COP1: variants seen among roughly 807,000 people sequenced by gnomAD.
COP1 encodes the protein COP1 E3 ubiquitin ligase.
A neutral mutation model predicts 101.3 loss-of-function variants in COP1; 24 were observed. The ratio of observed to expected loss-of-function variants is 0.24; its 90% CI spans 0.17 to 0.33. The LOEUF is 0.33. Among genes scored for constraint, COP1 ranks in the 10% least tolerant of loss-of-function variants. COP1 has a pLI of 1.00. For synonymous variants in COP1, 347 were observed against 341.9 expected (o/e 1.01, Z -0.17); for missense variants, 663 against 906.2 (o/e 0.73, Z 3.45).
At chr1:176,178,716 GGTGGCAGGCACCT>G (rs928642203) in intron 2 of COP1, among the ~76,000 whole-genome samples, 1 of 151,974 alleles carries the variant, frequency 6.6e-6, no homozygotes, top group Admixed American at 6.6e-5. Flanking sequence ...AGCTGGGCAT[GGTGGCAGGCACCT>G]GTAATTCCGG....
chr1:175,952,668 G>A (rs1021331764), intron 18 of COP1, among the ~76,000 whole-genome samples: 1 of 152,102 alleles, frequency 6.6e-6, no homozygotes, highest in African/African-American at 2.4e-5. Context: ...CAGCACTTTG[G>A]GAGGCTGAGG....
At chr1:176,055,390 G>T (rs1419431855) in intron 11 of COP1, among the ~76,000 whole-genome samples, 2 of 152,106 alleles carry the variant, frequency 1.3e-5, no homozygotes, top group South Asian at 4.1e-4. Context: ...AGCCGAGATC[G>T]CACCACTGAA....
chr1:176,189,548 G>A (rs555336061), intron 1 of COP1, among the ~76,000 whole-genome samples: 5 of 151,830 alleles, frequency 3.3e-5, no homozygotes, highest in Non-Finnish European at 5.9e-5. Flanking sequence ...ACAAATTTAA[G>A]AGAATTTGCT....
chr1:175,977,826 A>G lies in COP1; in HGVS notation c.2133+9117T>C, dbSNP rs534337903. ...ATTAAATCCATTTTATTCAATTTAG[A>G]AAATAATAATGTTTTTCCATTACAT... On this transcript the variant is annotated intron_variant, in intron 18 of 19. Coordinates refer to ENST00000367669, the MANE Select transcript of COP1 (RefSeq NM_022457.7). Among the ~76,000 whole-genome samples, 16 of 152,232 alleles carry G rather than the reference A, an allele frequency of 1.1e-4. No individual in the cohort carries two copies. The South Asian group carries it at 3.3e-3, about 32-fold the overall frequency.
intron 8 of COP1, among the ~76,000 whole-genome samples, chr1:176,125,738 A>AT (rs901855648): frequency 1.8e-4 from 27 of 151,122 alleles, no homozygotes; most frequent in East Asian, 7.8e-4. Context: ...AAATTTTAGG[A>AT]TTTTTTTTTC....
intron 3 of COP1, among the ~76,000 whole-genome samples, chr1:176,167,112 T>A (rs1695260894): frequency 6.6e-6 from 1 of 152,180 alleles, no homozygotes; most frequent in South Asian, 2.1e-4. Context: ...AAATGCAAGG[T>A]ATATACACTG....
chr1:176,148,332 A>C (rs1345425398), intron 6 of COP1, among the ~76,000 whole-genome samples: 2 of 152,148 alleles, frequency 1.3e-5, no homozygotes, highest in Non-Finnish European at 2.9e-5. Flanking sequence ...AAATGAGTAA[A>C]AAGTATCCTA....
intron 5 of COP1, among the ~76,000 whole-genome samples, chr1:176,161,372 T>G (rs1225670081): frequency 6.6e-6 from 1 of 152,112 alleles, no homozygotes; most frequent in Admixed American, 6.6e-5. Flanking sequence ...GAGGATTGCT[T>G]GAAGCCAAGA....
chr1:176,184,754 A>G (rs1425006375), intron 1 of COP1, 62 bp from the exon 2 acceptor site: 5 of 1,186,694 alleles, frequency 4.2e-6, no homozygotes, highest in Non-Finnish European at 6.2e-6. Context: ...AAATTGGAAA[A>G]GACTAGTAAC....
intron 15 of COP1, among the ~76,000 whole-genome samples, chr1:176,019,667 C>G (rs1666371626): frequency 6.6e-6 from 1 of 151,522 alleles, no homozygotes; most frequent in Admixed American, 6.6e-5. Flanking sequence ...CCAGGACCAC[C>G]CTGGGTAACA....
chr1:176,077,068 C>G (rs998276691), intron 11 of COP1, among the ~76,000 whole-genome samples: 3 of 152,070 alleles, frequency 2.0e-5, no homozygotes, highest in Non-Finnish European at 4.4e-5. Flanking sequence ...GAATTGATAC[C>G]AATCCTGCTG....
At chr1:176,167,165 T>A (rs1253791496) in intron 3 of COP1, among the ~76,000 whole-genome samples, 1 of 152,166 alleles carries the variant, frequency 6.6e-6, no homozygotes, top group African/African-American at 2.4e-5. Context: ...ATGAAAGTCA[T>A]TAGAGTCACA....
At chr1:176,005,523 A>T (rs1258477039) in intron 15 of COP1, among the ~76,000 whole-genome samples, 17 of 151,068 alleles carry the variant, frequency 1.1e-4, no homozygotes, top group African/African-American at 4.2e-4. Context: ...ACTGCTTTGA[A>T]TGTGTCCCAG....
At chr1:175,965,699 C>T (rs1042975226) in intron 18 of COP1, among the ~76,000 whole-genome samples, 2 of 152,140 alleles carry the variant, frequency 1.3e-5, no homozygotes, top group Non-Finnish European at 2.9e-5. Context: ...AGTGATCCTC[C>T]TGCTTCAGCC....
chr1:175,986,024 A>T (rs1657024316), intron 18 of COP1, among the ~76,000 whole-genome samples: 1 of 151,980 alleles, frequency 6.6e-6, no homozygotes, highest in African/African-American at 2.4e-5. Flanking sequence ...TAGTAACAAG[A>T]ATTATTATTT....
intron 1 of COP1, among the ~76,000 whole-genome samples, chr1:176,186,084 C>T (rs61821057): frequency 0.024 from 3,580 of 151,864 alleles, 58 homozygotes; most frequent in Middle Eastern, 0.051. Flanking sequence ...TACAAAGGGA[C>T]CCATAGTAAA....
chr1:176,127,248 T>TTTA (rs1171593609), intron 8 of COP1, among the ~76,000 whole-genome samples: 1 of 152,112 alleles, frequency 6.6e-6, no homozygotes, highest in African/African-American at 2.4e-5. Flanking sequence ...AAACATACAA[T>TTTA]TTATTATTAT....
intron 8 of COP1, among the ~76,000 whole-genome samples, chr1:176,125,378 T>C (rs1687839798): frequency 6.6e-6 from 1 of 152,178 alleles, no homozygotes; most frequent in South Asian, 2.1e-4. Context: ...GTTTGAGGCC[T>C]TTAAGTCTTT....
intron 5 of COP1, among the ~76,000 whole-genome samples, chr1:176,155,701 T>C (rs1191203711): frequency 6.6e-6 from 1 of 151,864 alleles, no homozygotes; most frequent in Non-Finnish European, 1.5e-5. Context: ...AATAATAAAA[T>C]GTAGGAATAA....
Sources: allele counts gnomAD v4.1 joint callset (sites outside exome capture counted in the v4.1 genomes callset), GRCh38; gene constraint gnomAD v4.1.1; transcripts MANE v1.5; gene names NCBI Gene and HGNC (gene_info 2026-07-23, HGNC 2026-07-21).